PACRG: variants seen among roughly 807,000 people sequenced by gnomAD.
The protein encoded by PACRG is parkin coregulated gene protein.
PACRG carries 29 observed loss-of-function variants against 29.7 expected under a neutral mutation model. The ratio of observed to expected loss-of-function variants is 0.98; its 90% CI spans 0.73 to 1.33. The LOEUF is 1.33. PACRG is among the 40% of genes most tolerant of loss of function. The pLI is 0.00. For missense variants in PACRG, 279 were observed against 316.2 expected (o/e 0.88, Z 0.89); for synonymous variants, 116 against 118.7 (o/e 0.98, Z 0.15).
intron 2 of PACRG, among the ~76,000 whole-genome samples, chr6:162,958,818 A>G (rs113064886): frequency 0.15 from 20,418 of 140,348 alleles, 2,213 homozygotes; most frequent in Non-Finnish European, 0.23. Flanking sequence ...TATAGAGCAT[A>G]TATAGAGTGT....
chr6:163,107,621 G>C (rs920852122), intron 4 of PACRG, among the ~76,000 whole-genome samples: 9 of 152,168 alleles, frequency 5.9e-5, no homozygotes, highest in Admixed American at 1.3e-4. Flanking sequence ...TCATTTGGCT[G>C]TCTGGACCGG....
intron 3 of PACRG, among the ~76,000 whole-genome samples, chr6:163,075,169 A>G (rs966373218): frequency 6.6e-6 from 1 of 152,186 alleles, no homozygotes; most frequent in East Asian, 1.9e-4. Context: ...AAGGTGGAAA[A>G]TATAACTTAC....
At chr6:163,266,366 A>C (rs1489930846) in intron 4 of PACRG, among the ~76,000 whole-genome samples, 2 of 152,312 alleles carry the variant, frequency 1.3e-5, no homozygotes, top group East Asian at 3.9e-4. Flanking sequence ...GGGGAGCGGT[A>C]ATTTTGAGTC....
chr6:163,193,381 G>A (rs1585319870), intron 4 of PACRG, among the ~76,000 whole-genome samples: 1 of 152,120 alleles, frequency 6.6e-6, no homozygotes. Context: ...TTAAACTTAA[G>A]ACAATGTATG....
At chr6:163,203,831 G>A (rs1780801246) in intron 4 of PACRG, among the ~76,000 whole-genome samples, 1 of 152,142 alleles carries the variant, frequency 6.6e-6, no homozygotes, top group Non-Finnish European at 1.5e-5. Flanking sequence ...TGTAAAAGCT[G>A]TTTCTAGCTA....
chr6:163,299,935 T>C (rs1784921832), intron 4 of PACRG, among the ~76,000 whole-genome samples: 1 of 152,172 alleles, frequency 6.6e-6, no homozygotes, highest in Non-Finnish European at 1.5e-5. Context: ...CACCATCACA[T>C]GGCAAGTCTT....
chr6:162,728,325 G>A lies in PACRG; in HGVS notation c.90G>A (p.Pro30=), dbSNP rs771138556. ...AGCTGCTGGCACAACAGCCGCTCCC[G>A]GTGCACCAGCCTCACTCTCTGGTTT... ...RTKLLAQQPL[P]VHQPHSLVSE... is the part of the protein sequence containing the mutation. The change falls in exon 1 of 5, where the codon CCG becomes CCA. Residue 30 remains proline (P), a synonymous_variant. Transcript: ENST00000366888. 1 of 1,613,944 alleles carries A rather than the reference G, an allele frequency of 6.2e-7. No homozygotes were observed. Among genetic ancestry groups the A allele is most frequent in the Non-Finnish European group, 8.5e-7 (1 of 1,180,032 alleles).
At chr6:162,958,864 TATATATATATATATATATATAGAGAGAG>T (rs1298906064) in intron 2 of PACRG, among the ~76,000 whole-genome samples, 41 of 67,284 alleles carry the variant, frequency 6.1e-4, no homozygotes, top group South Asian at 1.4e-3. Flanking sequence ...TATATATATA[TATATATATATATATATATATAGAGAGAG>T]AGAGAGAGAG....
intron 3 of PACRG, among the ~76,000 whole-genome samples, chr6:163,081,336 C>T (rs1490455189): frequency 6.6e-6 from 1 of 152,154 alleles, no homozygotes. Context: ...TCAGGGACTA[C>T]AGCAGGGGCA....
At chr6:162,810,742 T>C (rs1786787878) in intron 1 of PACRG, among the ~76,000 whole-genome samples, 1 of 152,046 alleles carries the variant, frequency 6.6e-6, no homozygotes, top group South Asian at 2.1e-4. Context: ...AGTTACCCAA[T>C]ATGAACGACA....
At chr6:163,276,008 C>T (rs56856299) in intron 4 of PACRG, among the ~76,000 whole-genome samples, 3,536 of 140,602 alleles carry the variant, frequency 0.025, 54 homozygotes, top group East Asian at 0.063. Flanking sequence ...TCCTTCCTTC[C>T]TTCTTTCTTT....
intron 2 of PACRG, among the ~76,000 whole-genome samples, chr6:163,024,768 T>C (rs1187544195): frequency 6.6e-6 from 1 of 152,086 alleles, no homozygotes; most frequent in East Asian, 1.9e-4. Flanking sequence ...TAGAGATCTT[T>C]CACCTCAAGA....
intron 2 of PACRG, among the ~76,000 whole-genome samples, chr6:163,007,053 G>A (rs1805182862): frequency 6.6e-6 from 1 of 151,580 alleles, no homozygotes; most frequent in South Asian, 2.1e-4. Flanking sequence ...TGATTCCCTT[G>A]TATTTCATGT....
intron 1 of PACRG, among the ~76,000 whole-genome samples, chr6:162,746,372 A>G (rs1780986383): frequency 6.6e-6 from 1 of 152,220 alleles, no homozygotes; most frequent in South Asian, 2.1e-4. Flanking sequence ...ATAACACGGT[A>G]TTTAAATATA....
intron 2 of PACRG, among the ~76,000 whole-genome samples, chr6:163,020,656 T>C (rs372634103): frequency 6.6e-6 from 1 of 152,174 alleles, no homozygotes. Flanking sequence ...AATTTTGTCA[T>C]ATTTTCACTT....
chr6:162,988,417 G>A (rs777341288), intron 2 of PACRG, among the ~76,000 whole-genome samples: 5 of 152,084 alleles, frequency 3.3e-5, no homozygotes, highest in East Asian at 1.9e-4. Context: ...CAATGAAGCC[G>A]GACAGATGGA....
At chr6:162,854,268 A>C (rs565689124) in intron 2 of PACRG, among the ~76,000 whole-genome samples, 1 of 151,836 alleles carries the variant, frequency 6.6e-6, no homozygotes, top group Non-Finnish European at 1.5e-5. Context: ...TGTTTGTGGA[A>C]TTAAATTTTG....
intron 4 of PACRG, among the ~76,000 whole-genome samples, chr6:163,295,581 C>T (rs902855057): frequency 6.6e-6 from 1 of 152,140 alleles, no homozygotes; most frequent in African/African-American, 2.4e-5. Flanking sequence ...TTTTTTAGCA[C>T]CCCATAATTG....
intron 3 of PACRG, among the ~76,000 whole-genome samples, chr6:163,085,051 C>G (rs1396535133): frequency 1.3e-5 from 2 of 151,930 alleles, no homozygotes; most frequent in Non-Finnish European, 2.9e-5. Flanking sequence ...TCACCAAAAC[C>G]TTTTCTGCAA....
Sources: allele counts gnomAD v4.1 joint callset (sites outside exome capture counted in the v4.1 genomes callset), GRCh38; gene constraint gnomAD v4.1.1; transcripts MANE v1.5; gene names NCBI Gene and HGNC (gene_info 2026-07-23, HGNC 2026-07-21).